The following NTM variants were observed in gnomAD, a reference collection of about 807,000 sequenced individuals.
NTM encodes the protein neurotrimin.
In NTM, 13 loss-of-function variants were observed where a neutral mutation model predicts 42.1. The observed-to-expected ratio is 0.31, with a 90% confidence interval of 0.20 to 0.49. The LOEUF (loss-of-function observed/expected upper bound fraction) is 0.49, where lower values mean the gene tolerates loss of function less well. Ranked by LOEUF, NTM falls within the 20% of genes least tolerant of loss-of-function variation. The probability of loss-of-function intolerance (pLI) is 0.99; values close to 1 mark genes in which losing one functional copy is unlikely to be tolerated. For synonymous variants in NTM, 187 were observed against 179.2 expected, an observed-to-expected ratio of 1.04 and a Z score of -0.35; for missense variants, 373 against 452.8, an observed-to-expected ratio of 0.82 and a Z score of 1.60.
At chr11:131,787,786 A>G (rs1287413405) in intron 1 of NTM, among the ~76,000 whole-genome samples, 1 of 152,134 alleles carries the variant, frequency 6.6e-6, no homozygotes, top group African/African-American at 2.4e-5. Context: ...TCAGCTGTGA[A>G]CCCTTCTGGT....
chr11:131,781,505 A>G (rs2088125714), intron 1 of NTM, among the ~76,000 whole-genome samples: 1 of 152,218 alleles, frequency 6.6e-6, no homozygotes, highest in Admixed American at 6.5e-5. Flanking sequence ...TATGCTATAT[A>G]CTAATTTATT....
intron 1 of NTM, 138 bp downstream of exon 1, chr11:131,371,026 G>C: frequency 2.7e-6 from 4 of 1,476,528 alleles, no homozygotes; most frequent in Non-Finnish European, 3.6e-6. Flanking sequence ...GCATGGCTGG[G>C]ACTTCATTCT....
intron 3 of NTM, among the ~76,000 whole-genome samples, chr11:132,163,068 CAGCCACCTGGAGCCCAGTGGAAGGAG>C (rs1483038810): frequency 6.6e-6 from 1 of 152,152 alleles, no homozygotes; most frequent in Non-Finnish European, 1.5e-5. Context: ...GCCACTCCAC[CAGCCACCTGGAGCCCAGTGGAAGGAG>C]CGTCTGCAGA....
intron 1 of NTM, among the ~76,000 whole-genome samples, chr11:131,504,080 C>T (rs955111180): frequency 5.9e-5 from 9 of 152,170 alleles, no homozygotes; most frequent in Non-Finnish European, 1.0e-4. Context: ...GAGGACTGCT[C>T]ATCCAGGGCT....
chr11:132,291,788 G>A (rs2094458123), intron 4 of NTM, among the ~76,000 whole-genome samples: 1 of 152,184 alleles, frequency 6.6e-6, no homozygotes, highest in Admixed American at 6.5e-5. Context: ...TATTGCTGCT[G>A]AGAAGTCTTT....
At chr11:131,672,357 T>A (rs2070456192) in intron 1 of NTM, among the ~76,000 whole-genome samples, 1 of 152,216 alleles carries the variant, frequency 6.6e-6, no homozygotes, top group South Asian at 2.1e-4. Context: ...ATGAGCCTCC[T>A]TTGAAGGCAC....
intron 1 of NTM, among the ~76,000 whole-genome samples, chr11:131,835,372 T>A (rs1383014112): frequency 6.6e-6 from 1 of 151,926 alleles, no homozygotes; most frequent in Non-Finnish European, 1.5e-5. Flanking sequence ...AAAAGACTTA[T>A]CTCTAGGATG....
chr11:131,981,687 A>G (rs185286944), intron 2 of NTM, among the ~76,000 whole-genome samples: 1 of 152,272 alleles, frequency 6.6e-6, no homozygotes, highest in African/African-American at 2.4e-5. Context: ...CAATTCAGAT[A>G]ACCTTGCATG....
At chr11:131,949,624 G>C (rs1252678124) in intron 2 of NTM, among the ~76,000 whole-genome samples, 2 of 152,252 alleles carry the variant, frequency 1.3e-5, no homozygotes, top group East Asian at 3.9e-4. Flanking sequence ...TTGAGTACTG[G>C]CCCTATACCT....
chr11:131,838,916 G>T (rs758197526), intron 1 of NTM, among the ~76,000 whole-genome samples: 4 of 151,958 alleles, frequency 2.6e-5, no homozygotes, highest in Non-Finnish European at 5.9e-5. Flanking sequence ...GATTCTCAAG[G>T]GAAGAGTGGA....
chr11:131,825,944 G>C (rs1469209872), intron 1 of NTM, among the ~76,000 whole-genome samples: 1 of 152,090 alleles, frequency 6.6e-6, no homozygotes, highest in African/African-American at 2.4e-5. Context: ...AAGAGGTCTG[G>C]GCTAGAAATA....
chr11:132,294,337 C>T (rs987703297), intron 4 of NTM, among the ~76,000 whole-genome samples: 1 of 152,084 alleles, frequency 6.6e-6, no homozygotes, highest in African/African-American at 2.4e-5. Flanking sequence ...CAGCTGCTAA[C>T]TCCATTGGTT....
intron 4 of NTM, among the ~76,000 whole-genome samples, chr11:132,249,486 G>T (rs528017805): frequency 6.6e-6 from 1 of 152,326 alleles, no homozygotes; most frequent in East Asian, 1.9e-4. Context: ...TACGTGGGTT[G>T]TTTCCTTGTG....
intron 1 of NTM, among the ~76,000 whole-genome samples, chr11:131,639,754 G>A (rs886111119): frequency 3.9e-5 from 6 of 151,988 alleles, no homozygotes; most frequent in Non-Finnish European, 7.4e-5. Flanking sequence ...TCAGGAGTTC[G>A]AGACCAGCCT....
rs373756214 is a variant in NTM, at chr11:131,790,888, GT to G, written c.83-120673del. ...GAAACATTCAGATCTGCACTGCAAA[GT>G]TTGTTTTAATCATTCGGAAATATCT... On this transcript the variant is annotated intron_variant, in intron 1 of 8. Transcript: ENST00000683400. 2.3e-3 allele frequency among the ~76,000 whole-genome samples: 355 copies of G among 152,320 alleles called. 5 individuals carry two copies. The highest frequency in any genetic ancestry group is 7.5e-3 in the African/African-American group (312 of 41,578).
intron 3 of NTM, among the ~76,000 whole-genome samples, chr11:132,189,372 G>A (rs2078937902): frequency 1.3e-5 from 2 of 152,162 alleles, no homozygotes; most frequent in South Asian, 4.1e-4. Flanking sequence ...TATTAAAGTT[G>A]CTGATTTATC....
At chr11:131,763,513 T>A (rs2084564975) in intron 1 of NTM, among the ~76,000 whole-genome samples, 1 of 152,128 alleles carries the variant, frequency 6.6e-6, no homozygotes, top group Non-Finnish European at 1.5e-5. Context: ...GATAAGCTGT[T>A]CAGTTTAGGG....
chr11:131,823,458 C>A (rs1304886151), intron 1 of NTM, among the ~76,000 whole-genome samples: 3 of 152,150 alleles, frequency 2.0e-5, no homozygotes, highest in Non-Finnish European at 4.4e-5. Flanking sequence ...GGCTCAGACC[C>A]TGGTTGAATT....
intron 1 of NTM, among the ~76,000 whole-genome samples, chr11:131,605,367 T>C (rs1213836587): frequency 6.6e-6 from 1 of 152,236 alleles, no homozygotes; most frequent in African/African-American, 2.4e-5. Flanking sequence ...TAATTGCTAG[T>C]GTAGAAAAGT....
Sources: gnomAD v4.1 joint callset for allele counts (sites outside exome capture counted in the v4.1 genomes callset) on GRCh38, gnomAD v4.1.1 for gene constraint, MANE v1.5 for transcripts, NCBI Gene and HGNC (gene_info 2026-07-23, HGNC 2026-07-21) for gene names.